The following CALN1 variants were observed in gnomAD, a reference collection of about 807,000 sequenced individuals.
CALN1 encodes the protein calneuron 1, also known as calcium-binding protein 8.
In CALN1, 17 loss-of-function variants were observed where a neutral mutation model predicts 30.6. The observed-to-expected ratio is 0.56, with a 90% CI of 0.38 to 0.83. The LOEUF is 0.83. CALN1 is among the 40% of genes least tolerant of loss of function. The pLI is 0.00. For synonymous variants in CALN1, 156 were observed against 131.4 expected (o/e 1.19, Z -1.28); for missense variants, 291 against 354.9 (o/e 0.82, Z 1.45).
intron 5 of CALN1, among the ~76,000 whole-genome samples, chr7:71,931,581 T>C (rs2129520510): frequency 6.6e-6 from 1 of 152,350 alleles, no homozygotes; most frequent in Non-Finnish European, 1.5e-5. Context: ...ACCATGGTTT[T>C]CTTGGGCCCT....
At chr7:72,407,038 A>G (rs1806743704) in intron 1 of CALN1, among the ~76,000 whole-genome samples, 2 of 152,124 alleles carry the variant, frequency 1.3e-5, no homozygotes, top group African/African-American at 2.4e-5. Flanking sequence ...TTATCCACCC[A>G]AAAAGTGATG....
At chr7:72,359,154 C>T (rs1039300841) in intron 2 of CALN1, among the ~76,000 whole-genome samples, 1 of 152,012 alleles carries the variant, frequency 6.6e-6, no homozygotes, top group African/African-American at 2.4e-5. Context: ...GATCTCATAC[C>T]CTTTATCTGT....
At chr7:72,180,597 G>GT (rs1789698675) in intron 3 of CALN1, among the ~76,000 whole-genome samples, 1 of 116,842 alleles carries the variant, frequency 8.6e-6, no homozygotes, top group African/African-American at 3.1e-5. Flanking sequence ...TACTGTTTAT[G>GT]CTTTTTTTTC....
intron 1 of CALN1, among the ~76,000 whole-genome samples, chr7:72,425,111 G>A (rs1054251735): frequency 1.3e-5 from 2 of 152,094 alleles, no homozygotes; most frequent in Admixed American, 6.6e-5. Context: ...TGTTTTTGCA[G>A]GGCTGGGGGG....
Position 72,258,403 on chromosome 7 carries a change from G to A in CALN1, c.244+20283C>T, listed in dbSNP as rs538919564. 8.5e-4 allele frequency among the ~76,000 whole-genome samples: 130 copies of A among 152,314 alleles called. 3 individuals are homozygous for A. In the South Asian group the frequency reaches 0.027, roughly 31 times the overall value. On this transcript the variant is annotated intron_variant, in intron 3 of 6. Coordinates refer to ENST00000395275, the MANE Select transcript of CALN1 (RefSeq NM_031468.4). ...TGAACTTCCTTTAAAATCGGAGACA[G>A]CTACTGGGTTTAGACCGGTTTCTGA...
rs150305590 is a variant in CALN1, at chr7:71,880,087, C to T, written c.502-69595G>A. Among the ~76,000 whole-genome samples, 397 of 152,110 alleles carry T rather than the reference C, an allele frequency of 2.6e-3. 2 individuals carry two copies. The highest frequency in any genetic ancestry group is 6.8e-3 in the Middle Eastern group (2 of 294). Reference sequence around the variant, plus strand: ...GGGAGTTTGAGGCTATAGTGAGCTACGATTGTGCCACTACCCTCCAGCCTG... The same window carrying T: ...GGGAGTTTGAGGCTATAGTGAGCTATGATTGTGCCACTACCCTCCAGCCTG... On this transcript the variant is annotated intron_variant, in intron 5 of 6. Coordinates refer to ENST00000395275, the MANE Select transcript of CALN1 (RefSeq NM_031468.4).
At chr7:72,458,273 A>T in the CALN1 span, among the ~76,000 whole-genome samples, 20 of 65,062 alleles carry the variant, frequency 3.1e-4, no homozygotes, top group South Asian at 8.1e-3. Flanking sequence ...ATTCTATATT[A>T]TATAATATAT....
intron 5 of CALN1, among the ~76,000 whole-genome samples, chr7:71,998,886 A>G (rs935510365): frequency 3.9e-5 from 6 of 152,180 alleles, no homozygotes; most frequent in African/African-American, 1.2e-4. Context: ...TGAAAAAATC[A>G]AGATGGAATC....
intron 3 of CALN1, among the ~76,000 whole-genome samples, chr7:72,227,867 C>T (rs1793802915): frequency 6.7e-6 from 1 of 149,662 alleles, no homozygotes; most frequent in South Asian, 2.1e-4. Flanking sequence ...CCCAGGAGAG[C>T]GTTCCCCAAG....
chr7:71,967,008 T>C (rs918186528), intron 5 of CALN1, among the ~76,000 whole-genome samples: 14 of 152,204 alleles, frequency 9.2e-5, no homozygotes, highest in Non-Finnish European at 2.1e-4. Flanking sequence ...TTTGCCATGA[T>C]GTCATTGGTT....
At position 72,054,454 on chromosome 7, in the gene CALN1, T is replaced by TACAC. The variant is rs1554425464; in HGVS notation, c.389-30686_389-30685insGTGT. Among the ~76,000 whole-genome samples the TACAC allele has an allele frequency of 1.4e-4, 16 of 113,174 alleles. 2 individuals carry two copies. The highest frequency in any genetic ancestry group is 2.2e-4 in the East Asian group (1 of 4,586). The allele number at this position is 113,174 out of a possible 152,430, so 74.2% of individuals were successfully genotyped here. On this transcript the variant is annotated intron_variant, in intron 4 of 6. Transcript: ENST00000395275. Reference sequence around the variant, plus strand: ...ACACGTATATATATATATACATATATATACATATATATACATATATACATA... The same window carrying TACAC: ...ACACGTATATATATATATACATATATACACATACATATATATACATATATACATA...
At chr7:72,197,564 C>T (rs960421269) in intron 3 of CALN1, among the ~76,000 whole-genome samples, 3 of 152,082 alleles carry the variant, frequency 2.0e-5, no homozygotes, top group East Asian at 3.9e-4. Flanking sequence ...GACATAGTGG[C>T]TCATGCCTGT....
At chr7:72,376,294 G>A (rs1804550084) in intron 2 of CALN1, among the ~76,000 whole-genome samples, 2 of 152,068 alleles carry the variant, frequency 1.3e-5, no homozygotes, top group South Asian at 4.1e-4. Flanking sequence ...GTAACTCTAT[G>A]TTTACCCTTT....
chr7:72,065,308 G>C (rs1464805075), intron 4 of CALN1, among the ~76,000 whole-genome samples: 6 of 151,956 alleles, frequency 3.9e-5, no homozygotes, highest in Admixed American at 2.0e-4. Context: ...GTTGACTGCT[G>C]CAAGTTTTAG....
At chr7:72,182,806 A>C (rs1789913125) in intron 3 of CALN1, among the ~76,000 whole-genome samples, 2 of 151,920 alleles carry the variant, frequency 1.3e-5, no homozygotes, top group South Asian at 4.1e-4. Context: ...AAGACGTTCT[A>C]GATAGGAACA....
chr7:72,011,023 C>T (rs1438614141), intron 5 of CALN1, among the ~76,000 whole-genome samples: 2 of 151,210 alleles, frequency 1.3e-5, no homozygotes, highest in East Asian at 2.0e-4. Flanking sequence ...CGTGTTGGCA[C>T]GCACCTGTAG....
chr7:72,140,268 C>A, intron 3 of CALN1, among the ~76,000 whole-genome samples: 2 of 103,414 alleles, frequency 1.9e-5, no homozygotes, highest in Admixed American at 1.1e-4. Flanking sequence ...GAGACCTTGT[C>A]TCAAAATAAG....
chr7:72,316,938 G>A (rs927668792), intron 2 of CALN1, among the ~76,000 whole-genome samples: 3 of 148,844 alleles, frequency 2.0e-5, no homozygotes, highest in African/African-American at 7.5e-5. Flanking sequence ...GAGCAAGACT[G>A]CCTCTCAAAA....
chr7:72,445,828 C>A (rs186184712), intron 1 of CALN1, among the ~76,000 whole-genome samples: 101 of 152,252 alleles, frequency 6.6e-4, no homozygotes, highest in African/African-American at 2.3e-3. Context: ...GCGGTAACTA[C>A]CGTTCATGGA....
Sources: gnomAD v4.1 joint callset for allele counts (sites outside exome capture counted in the v4.1 genomes callset) on GRCh38, gnomAD v4.1.1 for gene constraint, MANE v1.5 for transcripts, NCBI Gene and HGNC (gene_info 2026-07-23, HGNC 2026-07-21) for gene names.